The following GRB14 variants were observed in gnomAD, a reference collection of about 807,000 sequenced individuals.
GRB14 encodes the protein growth factor receptor bound protein 14.
Under a neutral mutation model 69.1 loss-of-function variants are expected in GRB14, and 38 were observed. That is an observed-to-expected ratio of 0.55 (90% CI 0.42 to 0.72). The LOEUF (loss-of-function observed/expected upper bound fraction) is 0.72. Ranked by LOEUF, GRB14 falls within the 30% of genes least tolerant of loss-of-function variation. The probability of loss-of-function intolerance (pLI) is 0.00; values close to 1 mark genes in which losing one functional copy is unlikely to be tolerated. For missense variants in GRB14, 666 were observed against 666.1 expected, an observed-to-expected ratio of 1.00 and a Z score of 0.00; for synonymous variants, 247 against 241.3, an observed-to-expected ratio of 1.02 and a Z score of -0.22.
chr2:164,529,077 TA>T, intron 3 of GRB14, among the ~76,000 whole-genome samples: 1 of 152,236 alleles, frequency 6.6e-6, no homozygotes, highest in Non-Finnish European at 1.5e-5. Context: ...TATTCAGCTT[TA>T]AAAAGGAATG....
chr2:164,595,409 G>C (rs1297154991), intron 2 of GRB14, among the ~76,000 whole-genome samples: 1 of 152,220 alleles, frequency 6.6e-6, no homozygotes, highest in African/African-American at 2.4e-5. Flanking sequence ...AATGGACACA[G>C]TGAGGCCTAA....
intron 3 of GRB14, among the ~76,000 whole-genome samples, chr2:164,546,838 C>A (rs1688389775): frequency 6.6e-6 from 1 of 152,166 alleles, no homozygotes; most frequent in South Asian, 2.1e-4. Flanking sequence ...CCAAAGGAGA[C>A]ACCAAATCAG....
At chr2:164,545,763 T>C (rs1278139307) in intron 3 of GRB14, among the ~76,000 whole-genome samples, 1 of 152,210 alleles carries the variant, frequency 6.6e-6, no homozygotes, top group Non-Finnish European at 1.5e-5. Context: ...TATGTAAACA[T>C]GTTTTGAAAA....
intron 2 of GRB14, among the ~76,000 whole-genome samples, chr2:164,557,149 T>C (rs1015736995): frequency 6.6e-5 from 10 of 152,084 alleles, no homozygotes; most frequent in Non-Finnish European, 1.5e-4. Context: ...GGGACAAACA[T>C]GAGCAAACAT....
At chr2:164,577,922 G>A (rs191164896) in intron 2 of GRB14, among the ~76,000 whole-genome samples, 1 of 152,164 alleles carries the variant, frequency 6.6e-6, no homozygotes, top group African/African-American at 2.4e-5. Context: ...TTATAAATAT[G>A]TTAGAAGAAA....
chr2:164,585,193 C>T (rs1689511200), intron 2 of GRB14, among the ~76,000 whole-genome samples: 1 of 142,234 alleles, frequency 7.0e-6, no homozygotes, highest in Admixed American at 7.4e-5. Context: ...GGTGATCTGC[C>T]CACCTTGGAC....
At chr2:164,613,007 C>G (rs7590013) in intron 2 of GRB14, among the ~76,000 whole-genome samples, 15,432 of 152,130 alleles carry the variant, frequency 0.1, 892 homozygotes, top group African/African-American at 0.13. Flanking sequence ...TGGGAAGGAA[C>G]CTGAGTTGGT....
At chr2:164,529,755 A>T (rs1217200398) in intron 3 of GRB14, among the ~76,000 whole-genome samples, 1 of 152,186 alleles carries the variant, frequency 6.6e-6, no homozygotes, top group African/African-American at 2.4e-5. Context: ...CTTCTAATCC[A>T]ACGTGGACAC....
At chr2:164,552,976 C>G (rs984686657) in intron 2 of GRB14, among the ~76,000 whole-genome samples, 1 of 152,124 alleles carries the variant, frequency 6.6e-6, no homozygotes, top group African/African-American at 2.4e-5. Context: ...TGTTTCTGTT[C>G]CCTGCTGCAC....
chr2:164,581,983 C>T (rs1249687898), intron 2 of GRB14, among the ~76,000 whole-genome samples: 9 of 152,216 alleles, frequency 5.9e-5, no homozygotes, highest in Non-Finnish European at 1.2e-4. Context: ...TGACTGGCCT[C>T]TCTCTGTTGA....
chr2:164,595,996 C>A (rs1001172665), intron 2 of GRB14, among the ~76,000 whole-genome samples: 1 of 152,026 alleles, frequency 6.6e-6, no homozygotes, highest in Non-Finnish European at 1.5e-5. Context: ...TGGTGGCATG[C>A]GCCTGTAGTC....
At chr2:164,565,849 T>C (rs1429888852) in intron 2 of GRB14, among the ~76,000 whole-genome samples, 1 of 152,188 alleles carries the variant, frequency 6.6e-6, no homozygotes. Flanking sequence ...AGGCGTACTT[T>C]CTCTGCTACA....
At chr2:164,505,776 A>C (rs1252011239) in intron 8 of GRB14, among the ~76,000 whole-genome samples, 3 of 152,228 alleles carry the variant, frequency 2.0e-5, no homozygotes, top group African/African-American at 7.2e-5. Flanking sequence ...AAACCTAACA[A>C]AACTATCTGA....
At chr2:164,499,901 G>A (rs977590654) in intron 9 of GRB14, among the ~76,000 whole-genome samples, 1 of 152,140 alleles carries the variant, frequency 6.6e-6, no homozygotes, top group Non-Finnish European at 1.5e-5. Context: ...CATCAGAAAT[G>A]TAATGGTTTC....
At chr2:164,594,446 G>A (rs895992406) in intron 2 of GRB14, among the ~76,000 whole-genome samples, 18 of 152,202 alleles carry the variant, frequency 1.2e-4, no homozygotes, top group African/African-American at 3.4e-4. Context: ...GAAGAAACAT[G>A]TAAAGTGTCT....
chr2:164,494,780 A>C (rs1238483852), intron 12 of GRB14, among the ~76,000 whole-genome samples: 3 of 152,188 alleles, frequency 2.0e-5, no homozygotes, highest in Non-Finnish European at 4.4e-5. Context: ...GTTTGATCAC[A>C]ATAAACAATA....
At chr2:164,577,012 A>G (rs1689267203) in intron 2 of GRB14, among the ~76,000 whole-genome samples, 1 of 152,064 alleles carries the variant, frequency 6.6e-6, no homozygotes, top group Non-Finnish European at 1.5e-5. Flanking sequence ...AATTTTATGC[A>G]AAAAAACATA....
At chr2:164,519,320 T>G (rs1397612746) in intron 6 of GRB14, among the ~76,000 whole-genome samples, 3 of 151,974 alleles carry the variant, frequency 2.0e-5, no homozygotes, top group Non-Finnish European at 4.4e-5. Flanking sequence ...CACTTTATGA[T>G]AAAAAACTTC....
At chr2:164,542,613 A>T (rs1688268993) in intron 3 of GRB14, among the ~76,000 whole-genome samples, 1 of 152,354 alleles carries the variant, frequency 6.6e-6, no homozygotes. Context: ...GAAAGAAGAC[A>T]TACAAGTAGC....
Sources: allele counts gnomAD v4.1 joint callset (sites outside exome capture counted in the v4.1 genomes callset), GRCh38; gene constraint gnomAD v4.1.1; transcripts MANE v1.5; gene names NCBI Gene and HGNC (gene_info 2026-07-23, HGNC 2026-07-21).